Variants in UBAC1 observed in about 807,000 individuals in gnomAD.
UBAC1 encodes UBA domain containing 1, also known as ubiquitin-associated domain-containing protein 1.
Under a neutral mutation model 45.9 loss-of-function variants are expected in UBAC1, and 27 were observed. That is an observed-to-expected ratio of 0.59 (90% confidence interval 0.43 to 0.81). The LOEUF (loss-of-function observed/expected upper bound fraction) is 0.81, where lower values mean the gene tolerates loss of function less well. Among genes scored for constraint, UBAC1 ranks in the 30% least tolerant of loss-of-function variants. UBAC1 has a pLI of 0.00. For synonymous variants in UBAC1, 227 were observed against 215.5 expected (o/e 1.05, Z -0.47); for missense variants, 529 against 539.2 (o/e 0.98, Z 0.19).
chr9:135,946,617 G>A (rs752710207), intron 4 of UBAC1, among the ~76,000 whole-genome samples: 8 of 152,220 alleles, frequency 5.3e-5, no homozygotes, highest in East Asian at 1.9e-4. Flanking sequence ...GTGCTGGCCC[G>A]ATACTCAGCC....
intron 2 of UBAC1, 112 bp downstream of exon 2, chr9:135,955,183 C>G: frequency 8.7e-7 from 1 of 1,144,320 alleles, no homozygotes; most frequent in Middle Eastern, 3.0e-4. Flanking sequence ...TTTTTGTGCT[C>G]GTGTCCAGCT....
At chr9:135,953,585 T>G (rs1231857799) in intron 3 of UBAC1, 95 bp downstream of exon 3, 1 of 1,063,180 alleles carries the variant, frequency 9.4e-7, no homozygotes. Flanking sequence ...CCCAAAGTGC[T>G]GGGATTACAG....
intron 9 of UBAC1, among the ~76,000 whole-genome samples, chr9:135,937,655 C>T (rs975409124): frequency 5.3e-5 from 8 of 152,056 alleles, no homozygotes; most frequent in Admixed American, 4.6e-4. Context: ...AAAACTCTAC[C>T]GGGAAGCAGA....
chr9:135,944,395 G>A (rs1363495595), intron 7 of UBAC1, among the ~76,000 whole-genome samples: 2 of 152,230 alleles, frequency 1.3e-5, no homozygotes, highest in Admixed American at 6.5e-5. Flanking sequence ...CACACGAGAC[G>A]ACAGCATGCA....
At chr9:135,936,372 C>G (rs987138135) in intron 9 of UBAC1, among the ~76,000 whole-genome samples, 1 of 152,098 alleles carries the variant, frequency 6.6e-6, no homozygotes, top group African/African-American at 2.4e-5. Context: ...AAGATCCCTA[C>G]CTCACACCAC....
chr9:135,959,653 G>C (rs1839508720), intron 1 of UBAC1, among the ~76,000 whole-genome samples: 1 of 152,136 alleles, frequency 6.6e-6, no homozygotes, highest in Admixed American at 6.5e-5. Flanking sequence ...GATTACAAGT[G>C]TGAGTTACCG....
At chr9:135,957,130 T>C (rs1400454797) in intron 1 of UBAC1, among the ~76,000 whole-genome samples, 3 of 152,138 alleles carry the variant, frequency 2.0e-5, no homozygotes, top group African/African-American at 7.2e-5. Context: ...TCAGAGTAAC[T>C]GGAATTTCTG....
chr9:135,951,235 G>A (rs995600358), intron 3 of UBAC1, among the ~76,000 whole-genome samples: 2 of 152,040 alleles, frequency 1.3e-5, no homozygotes, highest in Non-Finnish European at 1.5e-5. Flanking sequence ...GTGGGCCACC[G>A]CACCCAGCCA....
intron 1 of UBAC1, among the ~76,000 whole-genome samples, chr9:135,958,750 G>C (rs1564200394): frequency 6.6e-6 from 1 of 152,156 alleles, no homozygotes; most frequent in Non-Finnish European, 1.5e-5. Context: ...TCTCTTTTCT[G>C]ACTAACGCAT....
chr9:135,946,248 AG>A lies in UBAC1; in HGVS notation c.544+20del. 1 of 1,539,130 alleles carries A rather than the reference AG, an allele frequency of 6.5e-7. No homozygotes were observed. On this transcript the variant is annotated intron_variant, in intron 5 of 9. Coordinates refer to ENST00000371756, the MANE Select transcript of UBAC1 (RefSeq NM_016172.3). ...CCGGCAGTGAACCGCCCTGGAATGC[AG>A]CATCGGGGTTGACTCATACCATTCG...
At chr9:135,949,287 C>T (rs1839377884) in intron 3 of UBAC1, among the ~76,000 whole-genome samples, 1 of 152,130 alleles carries the variant, frequency 6.6e-6, no homozygotes, top group African/African-American at 2.4e-5. Context: ...TCAGAAAACA[C>T]GCCTACCAGC....
chr9:135,953,374 T>G (rs887864424), intron 3 of UBAC1, among the ~76,000 whole-genome samples: 22 of 152,226 alleles, frequency 1.4e-4, no homozygotes, highest in Non-Finnish European at 2.6e-4. Context: ...TGGAGTGCAG[T>G]GGCACGATCT....
At position 135,960,818 on chromosome 9, in the gene UBAC1, G is replaced by A. The variant is rs185300585; in HGVS notation, c.138+207C>T. ...CCGCCGGCCGAAAGGCCAGGCCCGG[G>A]ACGAGCGTCCAGAGGTGTGGGATCC... On this transcript the variant is annotated intron_variant, in intron 1 of 9. Transcript: ENST00000371756. Among the ~76,000 whole-genome samples the A allele has an allele frequency of 7.9e-3, 1,198 of 152,316 alleles. 10 individuals are homozygous for A. The highest frequency in any genetic ancestry group is 0.027 in the African/African-American group (1,126 of 41,574).
intron 4 of UBAC1, among the ~76,000 whole-genome samples, chr9:135,947,328 T>C (rs1465842413): frequency 2.6e-4 from 39 of 152,124 alleles, no homozygotes; most frequent in Admixed American, 2.6e-3. Flanking sequence ...CTCGGCTTAC[T>C]GCAACCTCCG....
chr9:135,933,483 T>C lies in UBAC1; in HGVS notation c.1135A>G (p.Ser379Gly). The C allele has an allele frequency of 1.9e-6, 3 of 1,614,100 alleles. No homozygotes were observed. The highest frequency in any genetic ancestry group is 2.5e-6 in the Non-Finnish European group (3 of 1,180,012). The change falls in exon 10 of 10, where the codon AGC becomes GGC. Residue 379 changes from serine (S) to glycine (G), a missense_variant. Coordinates refer to ENST00000371756, the MANE Select transcript of UBAC1 (RefSeq NM_016172.3). ...TCTGGATCATTCATCCACTGGGTGC[T>C]GTTCAGTGGGTTCTCCAGCATGTCT... ...FEDMLENPLNSTQWMNDPETG... is the reference protein window; with the variant it reads ...FEDMLENPLNGTQWMNDPETG...
intron 9 of UBAC1, among the ~76,000 whole-genome samples, chr9:135,933,797 G>C (rs866755453): frequency 2.0e-5 from 3 of 152,122 alleles, no homozygotes; most frequent in African/African-American, 7.2e-5. Context: ...CTCGGCAGCT[G>C]TCTGGCAGCC....
chr9:135,945,293 A>C, intron 6 of UBAC1, 43 bp from the exon 7 acceptor site: 1 of 1,493,972 alleles, frequency 6.7e-7, no homozygotes, highest in Non-Finnish European at 8.9e-7. Context: ...AGACTAACGG[A>C]CCAGGGCCTT....
Position 135,961,037 on chromosome 9 carries a change from G to A in UBAC1, c.126C>T (p.Arg42=). 2 of 1,567,044 alleles carry A rather than the reference G, an allele frequency of 1.3e-6. No homozygotes were observed. Among genetic ancestry groups the A allele is most frequent in the Admixed American group, 1.8e-5 (1 of 55,554 alleles). ...GGCCCGGCCTTACGTGCTTGAGGCA[G>A]CGCTCCTTGAGCTTCTCCACCGAGG... is the stretch of plus-strand genomic sequence containing the variant. ...EDTSVEKLKE[R]CLKHCAHGSL... The change falls in exon 1 of 10, where the codon CGC becomes CGT. Residue 42 remains arginine, a synonymous_variant. Transcript: ENST00000371756.
intron 4 of UBAC1, chr9:135,947,554 C>T (rs572037660): frequency 1.4e-5 from 6 of 431,974 alleles, no homozygotes; most frequent in African/African-American, 6.1e-5. Context: ...GCCGGATTGA[C>T]GTTTTCCCAG....
Sources: gnomAD v4.1 joint callset for allele counts (sites outside exome capture counted in the v4.1 genomes callset) on GRCh38, gnomAD v4.1.1 for gene constraint, MANE v1.5 for transcripts, NCBI Gene and HGNC (gene_info 2026-07-23, HGNC 2026-07-21) for gene names.